The following GPHN variants were observed in gnomAD, a reference collection of about 807,000 sequenced individuals.
The protein encoded by GPHN is gephyrin.
A neutral mutation model predicts 95.5 loss-of-function variants in GPHN; 17 were observed. The observed-to-expected ratio is 0.18, with a 90% confidence interval of 0.12 to 0.27. The LOEUF (loss-of-function observed/expected upper bound fraction) is 0.27. Ranked by LOEUF, GPHN falls within the 10% of genes least tolerant of loss-of-function variation. GPHN has a pLI of 1.00. For synonymous variants in GPHN, 320 were observed against 322.5 expected, an observed-to-expected ratio of 0.99 and a Z score of 0.08; for missense variants, 660 against 978.1, an observed-to-expected ratio of 0.67 and a Z score of 4.34.
intron 4 of GPHN, among the ~76,000 whole-genome samples, chr14:66,877,287 T>C (rs987211059): frequency 6.6e-6 from 1 of 152,124 alleles, no homozygotes; most frequent in Non-Finnish European, 1.5e-5. Flanking sequence ...ATCATACTGA[T>C]TGGGCAAAAG....
At chr14:67,409,530 G>A in the GPHN span, among the ~76,000 whole-genome samples, 5 of 152,256 alleles carry the variant, frequency 3.3e-5, no homozygotes, top group East Asian at 5.8e-4. Flanking sequence ...AGGAACGCCC[G>A]GCAGTGCTTC....
rs75190918 is a variant in GPHN at position 66,773,211 on chromosome 14, C to A, written c.144-3253C>A. 1.7e-3 allele frequency among the ~76,000 whole-genome samples: 253 copies of A among 152,234 alleles called. 6 individuals carry two copies. In the East Asian group the frequency reaches 0.044, roughly 27 times the overall value. ...GGAAAAAGATGGCAGGTAATAAGTT[C>A]TTTTGCGTGCTTTTCACAGGCTGAA... On this transcript the variant is annotated intron_variant, in intron 2 of 22. Coordinates refer to ENST00000478722, the MANE Select transcript of GPHN (RefSeq NM_020806.5).
chr14:66,527,551 G>A (rs2058743480), intron 1 of GPHN, among the ~76,000 whole-genome samples: 1 of 151,966 alleles, frequency 6.6e-6, no homozygotes, highest in Non-Finnish European at 1.5e-5. Flanking sequence ...TCTTTTAATT[G>A]TGATGTTAGG....
At chr14:67,705,509 G>C in the GPHN span, among the ~76,000 whole-genome samples, 1 of 152,212 alleles carries the variant, frequency 6.6e-6, no homozygotes, top group African/African-American at 2.4e-5. Context: ...ACTGCCAAAC[G>C]TGACCTGTAG....
chr14:67,215,233 A>C, the GPHN span, among the ~76,000 whole-genome samples: 2 of 152,174 alleles, frequency 1.3e-5, no homozygotes, highest in African/African-American at 4.8e-5. Context: ...TGTGGAAAGA[A>C]CTATAGGCTC....
chr14:66,774,962 C>T (rs2059329617), intron 2 of GPHN, among the ~76,000 whole-genome samples: 1 of 152,124 alleles, frequency 6.6e-6, no homozygotes, highest in Non-Finnish European at 1.5e-5. Flanking sequence ...TGCTTTAAAA[C>T]ATGCCTTTTC....
chr14:66,840,967 CTAGATA>C (rs1567006468), intron 4 of GPHN, among the ~76,000 whole-genome samples: 1 of 137,410 alleles, frequency 7.3e-6, no homozygotes, highest in African/African-American at 2.8e-5. Context: ...TTAAAGCCTA[CTAGATA>C]GATATAGATA....
At chr14:67,089,152 T>TTTTTTTTTTTTG (rs2077047057) in intron 12 of GPHN, 77 bp downstream of exon 12, 1 of 512,430 alleles carries the variant, frequency 2.0e-6, no homozygotes, top group Non-Finnish European at 3.6e-6. Context: ...TTTTTTTTTT[T>TTTTTTTTTTTTG]TTTTTTCAAA....
chr14:67,700,010 C>T, the GPHN span, among the ~76,000 whole-genome samples: 3 of 151,788 alleles, frequency 2.0e-5, no homozygotes, highest in Non-Finnish European at 4.4e-5. Context: ...CGTGGTGGTG[C>T]GCACCTGTAG....
intron 2 of GPHN, among the ~76,000 whole-genome samples, chr14:66,704,715 A>G (rs2224470): frequency 1 from 152,229 of 152,274 alleles, 76,092 homozygotes; most frequent in Middle Eastern, 1. Context: ...AAGCTAGAAA[A>G]ATCTCAGATC....
At chr14:66,516,042 T>C (rs1303837352) in intron 1 of GPHN, among the ~76,000 whole-genome samples, 2 of 151,952 alleles carry the variant, frequency 1.3e-5, no homozygotes, top group African/African-American at 2.4e-5. Context: ...GGACTCACTC[T>C]GTCGCCCAGG....
chr14:67,533,942 G>C, the GPHN span, among the ~76,000 whole-genome samples: 2 of 152,162 alleles, frequency 1.3e-5, no homozygotes. Flanking sequence ...GGGCCTTAGT[G>C]GGGGTGGCAG....
chr14:67,168,657 C>T (rs908818478), intron 20 of GPHN, among the ~76,000 whole-genome samples: 3 of 152,144 alleles, frequency 2.0e-5, no homozygotes, highest in Admixed American at 6.5e-5. Context: ...TTAGTAATGG[C>T]TTTCAGCTGG....
At chr14:67,585,561 TC>T in the GPHN span, 1 of 1,567,914 alleles carries the variant, frequency 6.4e-7, no homozygotes, top group Non-Finnish European at 8.7e-7. Context: ...TGTTTCTGTT[TC>T]CCCAGCCTGC....
At chr14:67,522,189 AG>A in the GPHN span, among the ~76,000 whole-genome samples, 3 of 152,206 alleles carry the variant, frequency 2.0e-5, no homozygotes, top group Non-Finnish European at 4.4e-5. Flanking sequence ...AAACAAAAAA[AG>A]AAAAAAAGGA....
chr14:66,582,477 G>T (rs1425472540), intron 1 of GPHN, among the ~76,000 whole-genome samples: 1 of 151,924 alleles, frequency 6.6e-6, no homozygotes, highest in African/African-American at 2.4e-5. Flanking sequence ...TTGGTGTGCT[G>T]CACCCATTAA....
chr14:67,291,659 G>A, the GPHN span, among the ~76,000 whole-genome samples: 1 of 152,158 alleles, frequency 6.6e-6, no homozygotes, highest in African/African-American at 2.4e-5. Flanking sequence ...CTAACAGGCA[G>A]ACACAATGCA....
At chr14:66,580,907 G>GAAATTCTC (rs1366587209) in intron 1 of GPHN, among the ~76,000 whole-genome samples, 1 of 151,644 alleles carries the variant, frequency 6.6e-6, no homozygotes, top group African/African-American at 2.4e-5. Flanking sequence ...GATAGATGCA[G>GAAATTCTC]AAATTCTCAA....
At chr14:67,346,941 T>C in the GPHN span, among the ~76,000 whole-genome samples, 13 of 152,248 alleles carry the variant, frequency 8.5e-5, no homozygotes, top group African/African-American at 3.1e-4. Context: ...TGATAAAATA[T>C]TGAAATATTT....
Sources: allele counts gnomAD v4.1 joint callset (sites outside exome capture counted in the v4.1 genomes callset), GRCh38; gene constraint gnomAD v4.1.1; transcripts MANE v1.5; gene names NCBI Gene and HGNC (gene_info 2026-07-23, HGNC 2026-07-21).